The following INTU variants were observed in gnomAD, a reference collection of about 807,000 sequenced individuals.
INTU encodes protein inturned.
In INTU, 68 loss-of-function variants were observed where a neutral mutation model predicts 100.5. The observed-to-expected ratio is 0.68, with a 90% CI of 0.56 to 0.83. The LOEUF (loss-of-function observed/expected upper bound fraction) is 0.83, where lower values mean the gene tolerates loss of function less well. Ranked by LOEUF, INTU falls within the 40% of genes least tolerant of loss-of-function variation. The pLI is 0.00. For synonymous variants in INTU, 357 were observed against 395.7 expected, an observed-to-expected ratio of 0.90 and a Z score of 1.16; for missense variants, 1,071 against 1,114.7, an observed-to-expected ratio of 0.96 and a Z score of 0.56.
chr4:127,689,235 C>T (rs1226359859), intron 8 of INTU, among the ~76,000 whole-genome samples: 1 of 152,070 alleles, frequency 6.6e-6, no homozygotes, highest in East Asian at 1.9e-4. Flanking sequence ...CTGCCCGCCT[C>T]AGTCTCCTAG....
In INTU at chr4:127,721,249, T is replaced by C. The variant is rs1490472081; in HGVS notation, c.*4813T>C. The stretch of plus-strand genomic sequence containing the variant: ...TTATGAAGCTTAGTTCAGCCAGATA[T>C]GAAATTCTAGGTTGGAAATTCTTTC... On this transcript the variant is annotated 3_prime_UTR_variant, in exon 16 of 16. Coordinates refer to ENST00000335251, the MANE Select transcript of INTU (RefSeq NM_015693.4). The C allele has an allele frequency of 6.6e-6, 1 of 152,232 alleles. No individual in the cohort carries two copies. Among genetic ancestry groups the C allele is most frequent in the Non-Finnish European group, 1.5e-5 (1 of 68,042 alleles). 9.4% of individuals were successfully genotyped at this position (152,232 alleles called of 1,614,324 possible). A position where few individuals can be genotyped will look rare whatever the true frequency, so the allele number is the denominator to read the frequency against.
chr4:127,682,410 A>T (rs919960143), intron 6 of INTU, among the ~76,000 whole-genome samples: 22 of 152,162 alleles, frequency 1.4e-4, no homozygotes, highest in Admixed American at 3.3e-4. Context: ...TATACCATGG[A>T]ATACTATGCA....
At chr4:127,658,023 G>GT (rs900729704) in intron 3 of INTU, among the ~76,000 whole-genome samples, 1 of 152,092 alleles carries the variant, frequency 6.6e-6, no homozygotes, top group Non-Finnish European at 1.5e-5. Context: ...GGATGAAGTC[G>GT]TTTTTGGATT....
At chr4:127,702,650 A>G (rs1455815203) in intron 9 of INTU, among the ~76,000 whole-genome samples, 1 of 152,194 alleles carries the variant, frequency 6.6e-6, no homozygotes, top group Non-Finnish European at 1.5e-5. Flanking sequence ...ATATGAAAAT[A>G]AGGATCTATT....
intron 6 of INTU, among the ~76,000 whole-genome samples, chr4:127,682,503 C>T (rs1277566830): frequency 1.3e-5 from 2 of 149,018 alleles, no homozygotes; most frequent in African/African-American, 5.0e-5. Context: ...GAATAAAAAA[C>T]CAAACACCGC....
At chr4:127,677,764 G>A (rs929903195) in intron 6 of INTU, among the ~76,000 whole-genome samples, 4 of 152,184 alleles carry the variant, frequency 2.6e-5, no homozygotes, top group Non-Finnish European at 4.4e-5. Flanking sequence ...TGACTTTGAC[G>A]AGATGAGAGA....
intron 8 of INTU, among the ~76,000 whole-genome samples, chr4:127,697,219 C>T (rs1326878351): frequency 6.6e-6 from 1 of 152,120 alleles, no homozygotes; most frequent in African/African-American, 2.4e-5. Context: ...CTAACCATCG[C>T]CGCAATCAAT....
intron 1 of INTU, among the ~76,000 whole-genome samples, chr4:127,633,797 C>T (rs72624504): frequency 0.03 from 4,620 of 152,154 alleles, 305 homozygotes; most frequent in East Asian, 0.26. Flanking sequence ...AATACAGATA[C>T]CTAAAGGTTT....
chr4:127,684,342 C>A, intron 6 of INTU, 67 bp from the exon 7 acceptor site: 1 of 854,256 alleles, frequency 1.2e-6, no homozygotes, highest in Non-Finnish European at 1.9e-6. Flanking sequence ...CAAGGATGAT[C>A]TACTTCTTTT....
chr4:127,653,464 T>C (rs1030311224), intron 2 of INTU, among the ~76,000 whole-genome samples: 8 of 150,460 alleles, frequency 5.3e-5, no homozygotes, highest in Middle Eastern at 3.3e-3. Context: ...TATTTCTGCC[T>C]TCATTTCGTT....
chr4:127,706,994 G>A (rs754948094), intron 12 of INTU, 25 bp downstream of exon 12: 3 of 1,584,446 alleles, frequency 1.9e-6, no homozygotes, highest in Non-Finnish European at 2.6e-6. Context: ...AAGTGTGTAT[G>A]TTCTGGGAGC....
At chr4:127,690,856 C>A (rs1730088109) in intron 8 of INTU, among the ~76,000 whole-genome samples, 1 of 151,892 alleles carries the variant, frequency 6.6e-6, no homozygotes. Flanking sequence ...ATCATAATAA[C>A]CCAAAGTCCA....
At chr4:127,681,700 C>T (rs1729563737) in intron 6 of INTU, among the ~76,000 whole-genome samples, 1 of 152,166 alleles carries the variant, frequency 6.6e-6, no homozygotes, top group South Asian at 2.1e-4. Context: ...TGGGCAAGGA[C>T]TTCATATCTA....
In INTU at chr4:127,677,202, C is replaced by T. The variant is rs377006375; in HGVS notation, c.1181+2989C>T. Among the ~76,000 whole-genome samples, 450 of 152,342 alleles carry T rather than the reference C, an allele frequency of 3.0e-3. 5 individuals are homozygous for T. The highest frequency in any genetic ancestry group is 3.3e-3 in the Non-Finnish European group (223 of 68,032). On this transcript the variant is annotated intron_variant, in intron 6 of 15. Transcript: ENST00000335251. ...AGACGAAAAAAAAGACAGCAGTAAC[C>T]TCTGCAGACTTAAATGTCCATGTCT...
At chr4:127,655,546 G>A (rs1251900044) in intron 2 of INTU, among the ~76,000 whole-genome samples, 6 of 151,642 alleles carry the variant, frequency 4.0e-5, no homozygotes, top group Non-Finnish European at 7.4e-5. Context: ...GGGGTCAGGG[G>A]TCAGGGACCC....
chr4:127,713,400 T>A (rs1731159086), intron 14 of INTU, among the ~76,000 whole-genome samples: 1 of 152,174 alleles, frequency 6.6e-6, no homozygotes, highest in African/African-American at 2.4e-5. Flanking sequence ...GCCTTTATAG[T>A]CCAAATGAGT....
At chr4:127,708,530 A>G in intron 12 of INTU, 41 bp from the exon 13 acceptor site, 4 of 1,032,302 alleles carry the variant, frequency 3.9e-6, no homozygotes, top group Non-Finnish European at 5.9e-6. Context: ...ATATGATTCC[A>G]TTCTTAGATA....
chr4:127,655,757 G>C lies in INTU; in HGVS notation c.683-879G>C, dbSNP rs572934787. ...GAGCTGTGGTGGGCTCCACCCAGTT[G>C]GAGCTTCCTGGCTGCTATGTTTACC... On this transcript the variant is annotated intron_variant, in intron 2 of 15. Transcript: ENST00000335251. 2.0e-4 allele frequency among the ~76,000 whole-genome samples: 31 copies of C among 152,234 alleles called. 1 individual carries two copies. The highest frequency in any genetic ancestry group is 1.7e-3 in the East Asian group (9 of 5,156).
rs1731417419 is a variant in INTU, at chr4:127,726,452, T to C, written c.*10016T>C. The C allele has an allele frequency of 6.6e-6, 1 of 152,246 alleles. No homozygotes were observed. Among genetic ancestry groups the C allele is most frequent in the Non-Finnish European group, 1.5e-5 (1 of 68,050 alleles). 9.4% of individuals were successfully genotyped at this position (152,246 alleles called of 1,614,324 possible). On this transcript the variant is annotated 3_prime_UTR_variant, in exon 16 of 16. Transcript: ENST00000335251. ...TGCTACCATTTATTATTATCATTAT[T>C]AAATATCCATTGGTTGAAAAACCAA... is the stretch of plus-strand genomic sequence containing the variant.
Sources: gnomAD v4.1 joint callset for allele counts (sites outside exome capture counted in the v4.1 genomes callset) on GRCh38, gnomAD v4.1.1 for gene constraint, MANE v1.5 for transcripts, NCBI Gene and HGNC (gene_info 2026-07-23, HGNC 2026-07-21) for gene names.